The following SLC26A3 variants were observed in gnomAD, a reference collection of about 807,000 sequenced individuals.
SLC26A3 encodes the protein solute carrier family 26 member 3, also known as chloride anion exchanger.
Under a neutral mutation model 85.6 loss-of-function variants are expected in SLC26A3, and 64 were observed. That is an observed-to-expected ratio of 0.75 (90% CI 0.61 to 0.92). The LOEUF is 0.92. Ranked by LOEUF, SLC26A3 falls within the 40% of genes least tolerant of loss-of-function variation. SLC26A3 has a pLI of 0.00. For missense variants in SLC26A3, 922 were observed against 927.3 expected, an observed-to-expected ratio of 0.99 and a Z score of 0.07; for synonymous variants, 349 against 336.0, an observed-to-expected ratio of 1.04 and a Z score of -0.42.
At chr7:107,778,009 T>C (rs1264741737) in intron 13 of SLC26A3, among the ~76,000 whole-genome samples, 166 bp downstream of exon 13, 1 of 152,242 alleles carries the variant, frequency 6.6e-6, no homozygotes, top group African/African-American at 2.4e-5. Context: ...GCTATTGCCC[T>C]TCAGGCCTTG....
At chr7:107,793,533 G>C (rs112339605) in intron 3 of SLC26A3, among the ~76,000 whole-genome samples, 19 of 152,246 alleles carry the variant, frequency 1.2e-4, no homozygotes, top group African/African-American at 4.1e-4. Flanking sequence ...CATGAAATAT[G>C]CAGAAGAGGC....
chr7:107,793,110 A>C (rs988423092), intron 3 of SLC26A3, among the ~76,000 whole-genome samples: 2 of 152,220 alleles, frequency 1.3e-5, no homozygotes, highest in Non-Finnish European at 2.9e-5. Flanking sequence ...TGATATGGAG[A>C]AATCTGAACC....
At chr7:107,789,805 T>C (rs995548531) in intron 5 of SLC26A3, 117 bp from the exon 6 acceptor site, 3 of 1,108,882 alleles carry the variant, frequency 2.7e-6, no homozygotes, top group East Asian at 2.6e-5. Context: ...TGTATGTACA[T>C]GCCTTGAAGA....
Position 107,778,360 on chromosome 7 carries a change from C to CTTTTTTTTTTTTTTTTTTTTTT in SLC26A3, c.1408-80_1408-79insAAAAAAAAAAAAAAAAAAAAAA, listed in dbSNP as rs10681903. 5 of 372,402 alleles carry CTTTTTTTTTTTTTTTTTTTTTT rather than the reference C, an allele frequency of 1.3e-5. 1 individual carries two copies. Among genetic ancestry groups the CTTTTTTTTTTTTTTTTTTTTTT allele is most frequent in the African/African-American group, 1.0e-4 (3 of 28,974 alleles). 23.1% of individuals were successfully genotyped at this position (372,402 alleles called of 1,614,324 possible). A position where few individuals can be genotyped will look rare whatever the true frequency, so the allele number is the denominator to read the frequency against. On this transcript the variant is annotated intron_variant, in intron 12 of 20. Transcript: ENST00000340010. ...GTCGAGACGGGGTCTTTTAAAAAGA[C>CTTTTTTTTTTTTTTTTTTTTTT]TTTTTTTTTTTTTTTTTGTAGCGAC...
In SLC26A3 at chr7:107,779,307, G is replaced by A. The variant is rs368345176; in HGVS notation, c.1407+361C>T. On this transcript the variant is annotated intron_variant, in intron 12 of 20. Transcript: ENST00000340010. ...GAAATTAAGTTCTTCACAGATTCGT[G>A]GAAACAAAAACATTATGTAATGAAG... is the stretch of plus-strand genomic sequence containing the variant. Among the ~76,000 whole-genome samples, 5 of 152,130 alleles carry A rather than the reference G, an allele frequency of 3.3e-5. No homozygotes were observed. The East Asian group carries it at 7.7e-4, about 23-fold the overall frequency.
In SLC26A3 at chr7:107,793,770, G is replaced by A. The variant is rs1794445330; in HGVS notation, c.243C>T (p.Ile81=). ...GTAGTACGGCCACAATCCCTGTGCT[G>A]ATACCAGAAACAATATCACTGAGCA... is the stretch of plus-strand genomic sequence containing the variant. The part of the protein sequence containing the change: ...EWLLSDIVSG[I]STGIVAVLQG... The change falls in exon 3 of 21, where the codon ATC becomes ATT. Residue 81 remains isoleucine (I), a synonymous_variant. Coordinates refer to ENST00000340010, the MANE Select transcript of SLC26A3 (RefSeq NM_000111.3). 1 of 1,613,956 alleles carries A rather than the reference G, an allele frequency of 6.2e-7. No homozygotes were observed. The highest frequency in any genetic ancestry group is 1.3e-5 in the African/African-American group (1 of 74,898).
At chr7:107,772,798 G>A (rs1032217981) in intron 17 of SLC26A3, among the ~76,000 whole-genome samples, 1 of 151,934 alleles carries the variant, frequency 6.6e-6, no homozygotes, top group Non-Finnish European at 1.5e-5. Flanking sequence ...AGAAACAAAA[G>A]CTAAAGTAAT....
chr7:107,772,093 T>C lies in SLC26A3; in HGVS notation c.2023A>G (p.Ile675Val), dbSNP rs754158974. The C allele has an allele frequency of 1.9e-6, 3 of 1,610,648 alleles. No homozygotes were observed. The highest frequency in any genetic ancestry group is 2.7e-5 in the African/African-American group (2 of 74,976). The part of the protein sequence containing the change: ...RGLKSILQEF[I>V]RIKVDVYIVG... ...ATATACACATCTACCTTGATCCTGA[T>C]AAATTCTTGCAAAATCTGTTAAAAA... Residue 675 changes from isoleucine (I) to valine (V), a missense_variant, in exon 18 of 21, where the codon ATC becomes GTC. Physicochemically the swap from Ile to Val is conservative, Grantham distance 29. Coordinates refer to ENST00000340010, the MANE Select transcript of SLC26A3 (RefSeq NM_000111.3).
rs545546518 is a variant in SLC26A3 at position 107,794,514 on chromosome 7, A to G, written c.-5T>C. 6 of 1,613,810 alleles carry G rather than the reference A, an allele frequency of 3.7e-6. No individual in the cohort carries two copies. The African/African-American group carries it at 4.0e-5, about 11-fold the overall frequency. ...ATTCCCAAAGGGTTCAATCATTTTG[A>G]TTTTTCTGTTGGCTGTGGCAAGTTG... On this transcript the variant is annotated 5_prime_UTR_variant, in exon 2 of 21. Coordinates refer to ENST00000340010, the MANE Select transcript of SLC26A3 (RefSeq NM_000111.3).
In SLC26A3 at chr7:107,786,844, A is replaced by G; in HGVS notation, c.954T>C (p.Val318=). 1 of 1,613,970 alleles carries G rather than the reference A, an allele frequency of 6.2e-7. No homozygotes were observed. Among genetic ancestry groups the G allele is most frequent in the Non-Finnish European group, 8.5e-7 (1 of 1,179,876 alleles). Residue 318 remains valine, a synonymous_variant, in exon 8 of 21, where the codon GTT becomes GTC. Transcript: ENST00000340010. The part of the protein sequence containing the change: ...DFKNRFKVAV[V]GDMNPGFQPP... Reference sequence around the variant, plus strand: ...ACACTTACCCAGGATTCATGTCCCCAACCACAGCCACTTTAAACCTGTTTT... The same window carrying G: ...ACACTTACCCAGGATTCATGTCCCCGACCACAGCCACTTTAAACCTGTTTT...
At position 107,794,496 on chromosome 7, in the gene SLC26A3, AAGGGTTCAATCATTTT is replaced by A; in HGVS notation, c.-3_13del. 3 of 1,614,018 alleles carry A rather than the reference AAGGGTTCAATCATTTT, an allele frequency of 1.9e-6. No individual in the cohort carries two copies. Among genetic ancestry groups the A allele is most frequent in the African/African-American group, 1.3e-5 (1 of 75,052 alleles). Reference sequence around the variant, plus strand: ...CCTGGCCACAATATACTGATTCCCAAAGGGTTCAATCATTTTGATTTTTCTGTTGGCTGTGGCAAGT... The same window carrying A: ...CCTGGCCACAATATACTGATTCCCAAGATTTTTCTGTTGGCTGTGGCAAGT... On this transcript the variant is annotated start_lost and 5_prime_UTR_variant, in exon 2 of 21. Transcript: ENST00000340010.
At chr7:107,798,992 G>A (rs753212526) in intron 1 of SLC26A3, among the ~76,000 whole-genome samples, 2 of 152,088 alleles carry the variant, frequency 1.3e-5, no homozygotes, top group East Asian at 1.9e-4. Flanking sequence ...GATCTCCATC[G>A]GCAGCCAGAG....
At chr7:107,792,595 T>C (rs966990561) in intron 3 of SLC26A3, among the ~76,000 whole-genome samples, 1 of 152,088 alleles carries the variant, frequency 6.6e-6, no homozygotes, top group African/African-American at 2.4e-5. Flanking sequence ...GGAGCGGCTG[T>C]AAATACAGGT....
intron 11 of SLC26A3, among the ~76,000 whole-genome samples, chr7:107,780,074 C>G (rs1176482092): frequency 6.6e-6 from 1 of 151,744 alleles, no homozygotes. Context: ...AGACCTATGA[C>G]AGACTAACAT....
At chr7:107,790,687 A>G (rs918739910) in intron 5 of SLC26A3, among the ~76,000 whole-genome samples, 7 of 152,188 alleles carry the variant, frequency 4.6e-5, no homozygotes, top group African/African-American at 1.4e-4. Context: ...AGCCACCAGT[A>G]TGACGATTTC....
At chr7:107,785,772 A>G (rs1794284203) in intron 8 of SLC26A3, among the ~76,000 whole-genome samples, 1 of 152,234 alleles carries the variant, frequency 6.6e-6, no homozygotes, top group Non-Finnish European at 1.5e-5. Context: ...AAAAAATAAA[A>G]AGTACATATA....
intron 18 of SLC26A3, among the ~76,000 whole-genome samples, chr7:107,768,448 C>T (rs1318228280): frequency 6.6e-6 from 1 of 152,196 alleles, no homozygotes; most frequent in African/African-American, 2.4e-5. Flanking sequence ...ACATAGATGA[C>T]TCAACCAACT....
intron 16 of SLC26A3, 147 bp from the exon 17 acceptor site, chr7:107,774,300 C>T: frequency 1.4e-6 from 1 of 721,908 alleles, no homozygotes; most frequent in Non-Finnish European, 2.5e-6. Context: ...GCCTGTCATC[C>T]CAGCACTTTA....
chr7:107,799,034 C>G (rs1163084347), intron 1 of SLC26A3, among the ~76,000 whole-genome samples: 3 of 152,082 alleles, frequency 2.0e-5, no homozygotes, highest in Non-Finnish European at 4.4e-5. Flanking sequence ...AAAAGCTCCA[C>G]ATTCTGGTTA....
Sources: gnomAD v4.1 joint callset for allele counts (sites outside exome capture counted in the v4.1 genomes callset) on GRCh38, gnomAD v4.1.1 for gene constraint, MANE v1.5 for transcripts, NCBI Gene and HGNC (gene_info 2026-07-23, HGNC 2026-07-21) for gene names.